Variants in SMC4 observed in about 807,000 individuals in gnomAD.
SMC4 encodes the protein structural maintenance of chromosomes 4.
Under a neutral mutation model 145.6 loss-of-function variants are expected in SMC4, and 87 were observed. The observed-to-expected ratio is 0.60, with a 90% CI of 0.50 to 0.71. The LOEUF (loss-of-function observed/expected upper bound fraction) is 0.71. SMC4 is among the 30% of genes least tolerant of loss of function. SMC4 has a pLI of 0.00. For synonymous variants in SMC4, 558 were observed against 500.7 expected, an observed-to-expected ratio of 1.11 and a Z score of -1.53; for missense variants, 1,447 against 1,537.1, an observed-to-expected ratio of 0.94 and a Z score of 0.98.
chr3:160,434,809 T>A lies in SMC4; in HGVS notation c.*1000T>A, dbSNP rs1042791744. The stretch of plus-strand genomic sequence containing the variant: ...ATTTCTGGGTATTTATCCTAAGGAA[T>A]TAATTAAAGAGTTAATTGTTCCTTT... On this transcript the variant is annotated 3_prime_UTR_variant, in exon 24 of 24. Coordinates refer to ENST00000357388, the MANE Select transcript of SMC4 (RefSeq NM_001002800.3). 1.3e-5 allele frequency: 2 copies of A among 151,782 alleles called. No homozygotes were observed. Among genetic ancestry groups the A allele is most frequent in the Admixed American group, 6.5e-5 (1 of 15,268 alleles). The allele number at this position is 151,782 out of a possible 1,614,324, so 9.4% of individuals were successfully genotyped here.
At chr3:160,399,778 G>A (rs1181547941) in intron 1 of SMC4, 29 bp downstream of exon 1, 2 of 152,466 alleles carry the variant, frequency 1.3e-5, no homozygotes, top group Admixed American at 1.3e-4. Context: ...TGGTCAGGTT[G>A]TCACGCTCTT....
chr3:160,426,345 TG>T, intron 17 of SMC4, 145 bp downstream of exon 17: 1 of 681,274 alleles, frequency 1.5e-6, no homozygotes, highest in East Asian at 2.8e-5. Context: ...ATAAAGTAAG[TG>T]TTATTAATAG....
Position 160,423,836 on chromosome 3 carries a change from A to G in SMC4, c.2321A>G (p.Glu774Gly). ...GSSLVIEISE[E>G]EVNKMESQLQ... Reference sequence around the variant, plus strand: ...TCACTTGTTATTGAAATCTCTGAAGAAGAGGTCAGCATATCTAAAATTGTA... The same window carrying G: ...TCACTTGTTATTGAAATCTCTGAAGGAGAGGTCAGCATATCTAAAATTGTA... Residue 774 changes from glutamate (E) to glycine (G), a missense_variant, in exon 15 of 24, where the codon GAA becomes GGA. Glu to Gly is a moderately conservative substitution (Grantham distance 98, BLOSUM62 -2). Transcript: ENST00000357388. 6.2e-7 allele frequency: 1 copy of G among 1,611,746 alleles called. No homozygotes were observed. The highest frequency in any genetic ancestry group is 1.1e-5 in the South Asian group (1 of 90,370).
At chr3:160,406,671 T>A (rs1715362421) in intron 5 of SMC4, among the ~76,000 whole-genome samples, 1 of 152,106 alleles carries the variant, frequency 6.6e-6, no homozygotes, top group South Asian at 2.1e-4. Flanking sequence ...AAATAAACAT[T>A]TATTTTTGAG....
At position 160,434,871 on chromosome 3, in the gene SMC4, C is replaced by A. The variant is rs1219409764; in HGVS notation, c.*1062C>A. The A allele has an allele frequency of 6.6e-6, 1 of 151,970 alleles. No homozygotes were observed. Among genetic ancestry groups the A allele is most frequent in the Non-Finnish European group, 1.5e-5 (1 of 67,996 alleles). The allele number at this position is 151,970 out of a possible 1,614,324, so 9.4% of individuals were successfully genotyped here. A position where few individuals can be genotyped will look rare whatever the true frequency, so the allele number is the denominator to read the frequency against. ...CATTGTTTTAGATATTTAAAAAATC[C>A]AACAGTTTCTATCATAATGTAACTG... On this transcript the variant is annotated 3_prime_UTR_variant, in exon 24 of 24. Transcript: ENST00000357388.
At chr3:160,415,857 G>C (rs924778618) in intron 9 of SMC4, among the ~76,000 whole-genome samples, 1 of 152,228 alleles carries the variant, frequency 6.6e-6, no homozygotes, top group Non-Finnish European at 1.5e-5. Context: ...TTTTAGGGTT[G>C]GGGAGATGGT....
Position 160,406,745 on chromosome 3 carries a change from G to A in SMC4, c.687+2241G>A, listed in dbSNP as rs558173751. 8.5e-5 allele frequency among the ~76,000 whole-genome samples: 13 copies of A among 152,054 alleles called. No individual in the cohort carries two copies. In the South Asian group the frequency reaches 1.5e-3, roughly 17 times the overall value. ...AAAATTTTTCAGTGTTAATATATTC[G>A]CTTAGCAAATTTTTCAAGTAGGCAT... On this transcript the variant is annotated intron_variant, in intron 5 of 23. Coordinates refer to ENST00000357388, the MANE Select transcript of SMC4 (RefSeq NM_001002800.3).
At chr3:160,423,371 G>GTTTTGTTTTTTGTTA in intron 13 of SMC4, 54 bp from the exon 14 acceptor site, 1 of 397,976 alleles carries the variant, frequency 2.5e-6, no homozygotes. Flanking sequence ...TTTTTTTTTT[G>GTTTTGTTTTTTGTTA]AGTTTTCTTT....
chr3:160,402,142 A>G, intron 3 of SMC4, 49 bp downstream of exon 3: 1 of 1,215,852 alleles, frequency 8.2e-7, no homozygotes. Flanking sequence ...TAACTATTGT[A>G]AGGTAATACG....
intron 13 of SMC4, among the ~76,000 whole-genome samples, chr3:160,422,985 G>C (rs1717345172): frequency 6.6e-6 from 1 of 152,118 alleles, no homozygotes; most frequent in African/African-American, 2.4e-5. Context: ...TGGGCTTTCA[G>C]TTTTATTACT....
chr3:160,403,970 T>G (rs933452871), intron 4 of SMC4: 1 of 174,410 alleles, frequency 5.7e-6, no homozygotes, highest in Non-Finnish European at 1.2e-5. Flanking sequence ...AAGCTGCAGC[T>G]TTTTAATCTG....
At chr3:160,416,134 G>A (rs1208629914) in intron 9 of SMC4, 117 bp from the exon 10 acceptor site, 3 of 588,894 alleles carry the variant, frequency 5.1e-6, no homozygotes, top group Non-Finnish European at 2.7e-6. Flanking sequence ...ATTTAACTCT[G>A]ATTATAAAGA....
At chr3:160,412,624 G>A (rs892309465) in intron 7 of SMC4, 171 bp downstream of exon 7, 2 of 1,205,718 alleles carry the variant, frequency 1.7e-6, no homozygotes, top group Non-Finnish European at 1.0e-6. Flanking sequence ...CACTTTGGGA[G>A]GCTAAGGCAG....
rs754433114 is a variant in SMC4, at chr3:160,428,930, A to C, written c.2783A>C (p.Lys928Thr). 6.3e-7 allele frequency: 1 copy of C among 1,588,322 alleles called. No individual in the cohort carries two copies. Among genetic ancestry groups the C allele is most frequent in the Non-Finnish European group, 8.5e-7 (1 of 1,174,116 alleles). Residue 928 changes from lysine (K) to threonine (T), a missense_variant, in exon 18 of 24, where the codon AAG (lysine) becomes ACG (threonine). Physicochemically the swap from Lys to Thr is moderately conservative, Grantham distance 78 (BLOSUM62 -1). Transcript: ENST00000357388. ...SAITKAQVAI[K>T]TADRNLQKAQ... ...ATTACTAAAGCCCAAGTAGCAATCA[A>C]GACTGCTGACAGGTAGAGTATGCAT... is the stretch of plus-strand genomic sequence containing the variant.
chr3:160,422,156 G>A (rs1013360855), intron 13 of SMC4, among the ~76,000 whole-genome samples: 18 of 152,132 alleles, frequency 1.2e-4, no homozygotes, highest in Admixed American at 5.2e-4. Context: ...CTTGTGCTAC[G>A]AACATTTGTG....
intron 15 of SMC4, 32 bp from the exon 16 acceptor site, chr3:160,424,835 G>C: frequency 6.2e-7 from 1 of 1,607,362 alleles, no homozygotes; most frequent in Non-Finnish European, 8.5e-7. Context: ...CTGTCAATCT[G>C]AAATGGCTCT....
intron 5 of SMC4, among the ~76,000 whole-genome samples, chr3:160,405,551 A>C (rs946646558): frequency 6.6e-6 from 1 of 152,090 alleles, no homozygotes; most frequent in African/African-American, 2.4e-5. Flanking sequence ...TTTATTCTTC[A>C]ATTGTTTCTA....
At chr3:160,429,731 CTTT>C (rs1305456533) in intron 18 of SMC4, among the ~76,000 whole-genome samples, 15 of 68,358 alleles carry the variant, frequency 2.2e-4, no homozygotes, top group African/African-American at 6.9e-4. Flanking sequence ...TTTTTTTTTT[CTTT>C]TTGAGACAGT....
chr3:160,424,574 T>C (rs992485168), intron 15 of SMC4, among the ~76,000 whole-genome samples: 2 of 152,204 alleles, frequency 1.3e-5, no homozygotes, highest in South Asian at 2.1e-4. Flanking sequence ...TTTGGGAGTC[T>C]GAGGCTGTCA....
Sources: allele counts gnomAD v4.1 joint callset (sites outside exome capture counted in the v4.1 genomes callset), GRCh38; gene constraint gnomAD v4.1.1; transcripts MANE v1.5; gene names NCBI Gene and HGNC (gene_info 2026-07-23, HGNC 2026-07-21).